MTRR: variants seen among roughly 807,000 people sequenced by gnomAD.
MTRR encodes 5-methyltetrahydrofolate-homocysteine methyltransferase reductase.
MTRR carries 63 observed loss-of-function variants against 79.2 expected under a neutral mutation model. The observed-to-expected ratio is 0.80, with a 90% CI of 0.65 to 0.98. The LOEUF (loss-of-function observed/expected upper bound fraction) is 0.98. MTRR is among the 50% of genes least tolerant of loss of function. The probability of loss-of-function intolerance (pLI) is 0.00; values close to 1 mark genes in which losing one functional copy is unlikely to be tolerated. For synonymous variants in MTRR, 355 were observed against 313.3 expected (o/e 1.13, Z -1.41); for missense variants, 895 against 839.6 (o/e 1.07, Z -0.82).
intron 1 of MTRR, among the ~76,000 whole-genome samples, chr5:7,854,362 A>G (rs896736710): frequency 1.1e-3 from 170 of 151,242 alleles, no homozygotes; most frequent in African/African-American, 3.9e-3. Flanking sequence ...TATATATTAT[A>G]TATATTTTTT....
upstream of MTRR, chr5:7,867,653 T>C (rs748726932): frequency 5.0e-6 from 8 of 1,614,228 alleles, no homozygotes; most frequent in South Asian, 8.8e-5. Context: ...TTGATCACCA[T>C]CCTTTTTTTC....
rs1462412733 is a variant in MTRR at position 7,892,817 on chromosome 5, A to C, written c.1461A>C (p.Gly487=). ...STATTEVLRK[G]VCTGWLALLV... is the part of the protein sequence containing the mutation. ...CCACAACAGAGGTTCTGCGGAAGGG[A>C]GTATGTACAGGCTGGCTGGCCTTGT... is the stretch of plus-strand genomic sequence containing the variant. Residue 487 remains glycine, a synonymous_variant, in exon 11 of 15, where the codon GGA becomes GGC. Coordinates refer to ENST00000440940, the MANE Select transcript of MTRR (RefSeq NM_002454.3). 2 of 1,614,080 alleles carry C rather than the reference A, an allele frequency of 1.2e-6. No homozygotes were observed.
intron 5 of MTRR, among the ~76,000 whole-genome samples, chr5:7,879,617 TA>T (rs1735242765): frequency 6.6e-6 from 1 of 151,440 alleles, no homozygotes; most frequent in Admixed American, 6.6e-5. Context: ...ACTGAGAGAG[TA>T]AAGAATTGGG....
chr5:7,895,610 C>T (rs1738368337), intron 11 of MTRR, 124 bp from the exon 12 acceptor site: 1 of 1,268,488 alleles, frequency 7.9e-7, no homozygotes, highest in Admixed American at 1.7e-5. Context: ...TCTGATGCCA[C>T]TATTTAGTGA....
Position 7,897,053 on chromosome 5 carries a change from A to G in MTRR, c.1770-12A>G. 1.2e-6 allele frequency: 2 copies of G among 1,613,644 alleles called. No individual in the cohort carries two copies. Among genetic ancestry groups the G allele is most frequent in the Non-Finnish European group, 1.7e-6 (2 of 1,179,580 alleles). On this transcript the variant is annotated splice_polypyrimidine_tract_variant and intron_variant, in intron 13 of 14. Transcript: ENST00000440940. ...ACAACCTTTTAGTGATCCATTATATATTATATTTCAGAAAAGAGCTCAGAC... is the reference window on the plus strand; with the variant it reads ...ACAACCTTTTAGTGATCCATTATATGTTATATTTCAGAAAAGAGCTCAGAC...
At chr5:7,896,542 A>T in intron 12 of MTRR, 1 of 391,376 alleles carries the variant, frequency 2.6e-6, no homozygotes, top group South Asian at 2.5e-5. Flanking sequence ...TCCATAGTAC[A>T]AGTTCATTTA....
Position 7,877,998 on chromosome 5 carries a change from G to A in MTRR, c.456G>A (p.Lys152=), listed in dbSNP as rs1734864252. ...WIAGLWPALR[K]HFRSSRGQEE... ...CTGGACTCTGGCCAGCCCTCAGAAAGCATTTTAGGTCAAGCAGAGGACAAG... is the reference window on the plus strand; with the variant it reads ...CTGGACTCTGGCCAGCCCTCAGAAAACATTTTAGGTCAAGCAGAGGACAAG... Residue 152 remains lysine (K), a synonymous_variant, in exon 5 of 15, where the codon AAG becomes AAA. Coordinates refer to ENST00000440940, the MANE Select transcript of MTRR (RefSeq NM_002454.3). 2 of 1,613,670 alleles carry A rather than the reference G, an allele frequency of 1.2e-6. No homozygotes were observed. Among genetic ancestry groups the A allele is most frequent in the African/African-American group, 1.3e-5 (1 of 74,862 alleles).
Position 7,875,305 on chromosome 5 carries a change from A to G in MTRR, c.331A>G (p.Ile111Val). 6.2e-7 allele frequency: 1 copy of G among 1,614,052 alleles called. No individual in the cohort carries two copies. The change falls in exon 4 of 15, where the codon ATT (isoleucine) becomes GTT (valine). Residue 111 changes from isoleucine (I) to valine (V), a missense_variant. Coordinates refer to ENST00000440940, the MANE Select transcript of MTRR (RefSeq NM_002454.3). ...CTACTTTTGCAATGGGGGGAAGATA[A>G]TTGATAAACGACTTCAAGAGCTTGG... is the stretch of plus-strand genomic sequence containing the variant. ...YTYFCNGGKIIDKRLQELGAR... is the reference protein window; with the variant it reads ...YTYFCNGGKIVDKRLQELGAR...
intron 4 of MTRR, 72 bp from the exon 5 acceptor site, chr5:7,877,872 C>G: frequency 1.9e-6 from 3 of 1,591,492 alleles, no homozygotes; most frequent in Non-Finnish European, 1.7e-6. Context: ...GACAGACTGT[C>G]ATTATCCTGT....
In MTRR at chr5:7,894,872, C is replaced by G. The variant is rs186626227; in HGVS notation, c.1558-862C>G. 2.1e-3 allele frequency among the ~76,000 whole-genome samples: 319 copies of G among 152,268 alleles called. 1 individual carries two copies. The highest frequency in any genetic ancestry group is 7.4e-3 in the African/African-American group (308 of 41,550). ...TAATGCCTGTCATGGTGAATACTTT[C>G]AGTAAATCTGTTAAATGAATGAAGC... On this transcript the variant is annotated intron_variant, in intron 11 of 14. Transcript: ENST00000440940.
intron 1 of MTRR, among the ~76,000 whole-genome samples, chr5:7,855,175 G>A (rs747334184): frequency 9.9e-5 from 15 of 152,140 alleles, no homozygotes; most frequent in East Asian, 1.9e-4. Context: ...AAAGTCATAC[G>A]TGGACTTTGG....
rs746404785 is a variant in MTRR, at chr5:7,886,692, A to G, written c.1135A>G (p.Ile379Val). 1.4e-5 allele frequency: 22 copies of G among 1,611,180 alleles called. No homozygotes were observed. Among genetic ancestry groups the G allele is most frequent in the East Asian group, 1.3e-4 (6 of 44,876 alleles). Residue 379 changes from isoleucine to valine, a missense_variant, in exon 8 of 15, where the codon ATT becomes GTT. Coordinates refer to ENST00000440940, the MANE Select transcript of MTRR (RefSeq NM_002454.3). The stretch of plus-strand genomic sequence containing the variant: ...TACCTGGTGTCTTGAAATCCGAGCA[A>G]TTCCTAAAAAGGTATTTTTTTCTGT... ...IFTWCLEIRA[I>V]PKKAFLRALV...
rs201918298 is a variant in MTRR, at chr5:7,859,542, G to C, written n.392-2409G>C. 7.6e-6 allele frequency: 12 copies of C among 1,569,230 alleles called. No individual in the cohort carries two copies. In the Admixed American group the frequency reaches 2.1e-4, roughly 28 times the overall value. ...ATCCCAATCTCATGATAGGGGATCTGTAAAGGTAGAAAAGTAAAACTGGTC... is the reference window on the plus strand; with the variant it reads ...ATCCCAATCTCATGATAGGGGATCTCTAAAGGTAGAAAAGTAAAACTGGTC... On this transcript the variant is annotated intron_variant and non_coding_transcript_variant, in intron 1 of 3. Coordinates refer to the MTRR transcript ENST00000502509.
chr5:7,900,087 C>CT lies in MTRR; in HGVS notation c.*35dup. Reference sequence around the variant, plus strand: ...CAGAAATTAAAGAAAGAGGATTAAGCTTTTTTGACTGAAAGTACTAAAAGT... The same window carrying CT: ...CAGAAATTAAAGAAAGAGGATTAAGCTTTTTTTGACTGAAAGTACTAAAAGT... On this transcript the variant is annotated 3_prime_UTR_variant, in exon 15 of 15. Transcript: ENST00000440940. 8 of 1,610,698 alleles carry CT rather than the reference C, an allele frequency of 5.0e-6. No homozygotes were observed. The highest frequency in any genetic ancestry group is 6.8e-6 in the Non-Finnish European group (8 of 1,179,146).
chr5:7,861,084 C>T, intron 1 of MTRR: 3 of 982,430 alleles, frequency 3.1e-6, no homozygotes, highest in Non-Finnish European at 3.1e-6. Context: ...TTAAAAGTAA[C>T]CTGGAAAAAT....
chr5:7,867,832 T>TA (rs1316791775), upstream of MTRR: 1 of 1,614,080 alleles, frequency 6.2e-7, no homozygotes, highest in African/African-American at 1.3e-5. Context: ...CGCAGTCAGA[T>TA]ACTTGAGAGA....
intron 12 of MTRR, chr5:7,896,634 T>A (rs193173012): frequency 1.8e-4 from 106 of 583,458 alleles, no homozygotes; most frequent in East Asian, 7.1e-4. Flanking sequence ...GTCCTCATTT[T>A]GTGTATGTCG....
upstream of MTRR, among the ~76,000 whole-genome samples, chr5:7,865,320 TCTAAA>T (rs1266248010): frequency 2.0e-5 from 3 of 152,134 alleles, no homozygotes; most frequent in Admixed American, 6.6e-5. Flanking sequence ...AATCAGATAC[TCTAAA>T]CTATGATTCA....
intron 1 of MTRR, among the ~76,000 whole-genome samples, chr5:7,854,493 T>G (rs2126574743): frequency 6.6e-6 from 1 of 152,270 alleles, no homozygotes. Flanking sequence ...TTAATTGGAC[T>G]TAGAGTTCCA....
Sources: allele counts gnomAD v4.1 joint callset (sites outside exome capture counted in the v4.1 genomes callset), GRCh38; gene constraint gnomAD v4.1.1; transcripts MANE v1.5; gene names NCBI Gene and HGNC (gene_info 2026-07-23, HGNC 2026-07-21).